LCOR: variants seen among roughly 807,000 people sequenced by gnomAD.
LCOR encodes ligand-dependent corepressor.
Under a neutral mutation model 64.4 loss-of-function variants are expected in LCOR, and 14 were observed. That is an observed-to-expected ratio of 0.22 (90% CI 0.14 to 0.34). The LOEUF (loss-of-function observed/expected upper bound fraction) is 0.34, where lower values mean the gene tolerates loss of function less well. Ranked by LOEUF, LCOR falls within the 10% of genes least tolerant of loss-of-function variation. LCOR has a pLI of 1.00. For missense variants in LCOR, 1,686 were observed against 1,765.3 expected (o/e 0.96, Z 0.80); for synonymous variants, 643 against 642.5 (o/e 1.00, Z -0.01).
At chr10:96,906,079 C>T (rs1161466599) in intron 2 of LCOR, among the ~76,000 whole-genome samples, 4 of 151,916 alleles carry the variant, frequency 2.6e-5, no homozygotes, top group Non-Finnish European at 4.4e-5. Context: ...CTTATGTGTC[C>T]GGCAGGATAT....
In LCOR at chr10:96,989,695, A is replaced by ATTTTTTTTTT. The variant is rs58390684; in HGVS notation, c.*4576_*4585dup. On this transcript the variant is annotated 3_prime_UTR_variant, in exon 8 of 8. Transcript: ENST00000421806. Reference sequence around the variant, plus strand: ...TAAGGATATATATATATATATATATATTTTTTTTTTTTTTTTTTTTTTTTA... The same window carrying ATTTTTTTTTT: ...TAAGGATATATATATATATATATATATTTTTTTTTTTTTTTTTTTTTTTTTTTTTTTTTTA... 1 of 86,190 alleles carries ATTTTTTTTTT rather than the reference A, an allele frequency of 1.2e-5. No homozygotes were observed. Among genetic ancestry groups the ATTTTTTTTTT allele is most frequent in the African/African-American group, 6.2e-5 (1 of 16,156 alleles). 5.3% of individuals were successfully genotyped at this position (86,190 alleles called of 1,614,324 possible). A position where few individuals can be genotyped will look rare whatever the true frequency, so the allele number is the denominator to read the frequency against.
At chr10:96,978,011 A>T (rs934480996) in intron 7 of LCOR, among the ~76,000 whole-genome samples, 2 of 152,252 alleles carry the variant, frequency 1.3e-5, no homozygotes, top group African/African-American at 2.4e-5. Context: ...TCACATAACT[A>T]GTAAGCAGCA....
At chr10:96,935,758 C>T (rs1208186307) in intron 4 of LCOR, among the ~76,000 whole-genome samples, 1 of 152,206 alleles carries the variant, frequency 6.6e-6, no homozygotes, top group Non-Finnish European at 1.5e-5. Context: ...GGCCTTAGCC[C>T]AGGAAGGCAA....
rs1337202181 is a variant in LCOR, at chr10:96,994,442, T to A, written c.*9308T>A. Reference sequence around the variant, plus strand: ...TTGACCGTCCTAAACTTTGTGAAAATAAATACCCCACACCCAGATAACCAT... The same window carrying A: ...TTGACCGTCCTAAACTTTGTGAAAAAAAATACCCCACACCCAGATAACCAT... On this transcript the variant is annotated 3_prime_UTR_variant, in exon 8 of 8. Transcript: ENST00000421806. 6.6e-6 allele frequency: 1 copy of A among 152,224 alleles called. No individual in the cohort carries two copies. Among genetic ancestry groups the A allele is most frequent in the Non-Finnish European group, 1.5e-5 (1 of 68,038 alleles). The allele number at this position is 152,224 out of a possible 1,614,324, so 9.4% of individuals were successfully genotyped here.
At chr10:96,900,149 T>C (rs1667014100) in intron 2 of LCOR, among the ~76,000 whole-genome samples, 1 of 152,198 alleles carries the variant, frequency 6.6e-6, no homozygotes. Context: ...GCCTTTTCAG[T>C]ACATTTTATA....
chr10:96,966,424 T>C (rs1293118805), intron 7 of LCOR, among the ~76,000 whole-genome samples: 7 of 151,716 alleles, frequency 4.6e-5, no homozygotes, highest in African/African-American at 1.7e-4. Context: ...GAAACGGGGT[T>C]TCACCGTGTT....
chr10:96,973,911 C>T (rs775053387), intron 7 of LCOR, among the ~76,000 whole-genome samples: 1 of 152,194 alleles, frequency 6.6e-6, no homozygotes, highest in Non-Finnish European at 1.5e-5. Flanking sequence ...TGTCACTTCA[C>T]CTCCATGCCA....
intron 4 of LCOR, among the ~76,000 whole-genome samples, chr10:96,933,600 A>G (rs767885377): frequency 6.6e-6 from 1 of 152,152 alleles, no homozygotes; most frequent in Non-Finnish European, 1.5e-5. Flanking sequence ...GGCTCACTCA[A>G]CCTCCGTCTC....
chr10:96,916,556 GAGAA>G (rs1231680935), intron 4 of LCOR, among the ~76,000 whole-genome samples: 7 of 149,508 alleles, frequency 4.7e-5, no homozygotes, highest in Admixed American at 1.3e-4. Flanking sequence ...TATCAAGAGT[GAGAA>G]AGAAACACAT....
intron 2 of LCOR, among the ~76,000 whole-genome samples, chr10:96,897,920 T>C (rs1846569103): frequency 6.6e-6 from 1 of 151,800 alleles, no homozygotes. Context: ...TTCTGTTTTA[T>C]TTCTATTTTT....
rs567534549 is a variant in LCOR, at chr10:96,911,999, T to C, written c.-184+4252T>C. 3.4e-4 allele frequency among the ~76,000 whole-genome samples: 52 copies of C among 152,250 alleles called. 1 individual carries two copies. The highest frequency in any genetic ancestry group is 1.1e-3 in the African/African-American group (46 of 41,542). On this transcript the variant is annotated intron_variant, in intron 4 of 7. Transcript: ENST00000421806. ...CAGGCTGCAGTACAGAGGCATGATC[T>C]CGGCTCACTGCACCCTCCACCTCCC...
chr10:96,918,983 T>C (rs1241657765), intron 4 of LCOR, among the ~76,000 whole-genome samples: 1 of 152,222 alleles, frequency 6.6e-6, no homozygotes, highest in Non-Finnish European at 1.5e-5. Context: ...TTTCGTTATC[T>C]CTAGCAGTGC....
At chr10:96,963,773 CTG>C (rs1847917559) in intron 7 of LCOR, 1 of 152,154 alleles carries the variant, frequency 6.6e-6, no homozygotes, top group African/African-American at 2.4e-5. Flanking sequence ...GCAGTACTAT[CTG>C]TGGTTAACAA....
chr10:96,840,232 T>A (rs367663221), intron 2 of LCOR, among the ~76,000 whole-genome samples: 2 of 152,234 alleles, frequency 1.3e-5, no homozygotes, highest in Non-Finnish European at 2.9e-5. Flanking sequence ...CATCTTCTAA[T>A]GATTTTTGGT....
At chr10:96,871,878 C>T (rs192147081) in intron 2 of LCOR, among the ~76,000 whole-genome samples, 2 of 152,280 alleles carry the variant, frequency 1.3e-5, no homozygotes, top group Non-Finnish European at 2.9e-5. Context: ...AAAACAACAA[C>T]AGTAAACAAA....
At chr10:96,885,959 C>T (rs932116890) in intron 2 of LCOR, among the ~76,000 whole-genome samples, 5 of 152,082 alleles carry the variant, frequency 3.3e-5, no homozygotes, top group Non-Finnish European at 7.4e-5. Flanking sequence ...CTCACTGCAA[C>T]CTCCGCCTCC....
intron 7 of LCOR, among the ~76,000 whole-genome samples, chr10:96,976,070 T>G (rs61863059): frequency 1.2e-3 from 184 of 152,272 alleles, no homozygotes; most frequent in Non-Finnish European, 2.1e-3. Context: ...CAGGAAAGAA[T>G]GCAATCAAAC....
intron 4 of LCOR, among the ~76,000 whole-genome samples, chr10:96,924,599 T>C (rs1847136391): frequency 6.6e-6 from 1 of 152,112 alleles, no homozygotes; most frequent in Non-Finnish European, 1.5e-5. Context: ...GTTGCAGGAC[T>C]AGTACAAAAA....
intron 2 of LCOR, among the ~76,000 whole-genome samples, chr10:96,884,456 C>T (rs1194851259): frequency 1.3e-5 from 2 of 152,286 alleles, no homozygotes; most frequent in South Asian, 4.1e-4. Context: ...TTTCTCTGTA[C>T]CTCGGAAGAG....
Sources: gnomAD v4.1 joint callset for allele counts (sites outside exome capture counted in the v4.1 genomes callset) on GRCh38, gnomAD v4.1.1 for gene constraint, MANE v1.5 for transcripts, NCBI Gene and HGNC (gene_info 2026-07-23, HGNC 2026-07-21) for gene names.